The following TCEANC2 variants were observed in gnomAD, a reference collection of about 807,000 sequenced individuals.
TCEANC2 encodes the protein transcription elongation factor A N-terminal and central domain-containing protein 2.
In TCEANC2, 20 loss-of-function variants were observed where a neutral mutation model predicts 22.8. That is an observed-to-expected ratio of 0.88 (90% CI 0.62 to 1.28). TCEANC2 has a LOEUF of 1.28. Ranked by LOEUF, TCEANC2 falls within the 50% of genes most tolerant of loss-of-function variation. TCEANC2 has a pLI of 0.00. For missense variants in TCEANC2, 251 were observed against 249.7 expected (o/e 1.01, Z -0.03); for synonymous variants, 84 against 95.5 (o/e 0.88, Z 0.70).
intron 3 of TCEANC2, among the ~76,000 whole-genome samples, chr1:54,085,383 T>C (rs1035568279): frequency 8.5e-5 from 13 of 152,352 alleles, no homozygotes; most frequent in African/African-American, 2.9e-4. Context: ...TTGACCATTT[T>C]CTCAAATAAA....
downstream of TCEANC2, among the ~76,000 whole-genome samples, chr1:54,110,635 C>T (rs1658824697): frequency 1.3e-5 from 2 of 152,000 alleles, no homozygotes. Flanking sequence ...AACAAAAAAA[C>T]AACACAACCT....
downstream of TCEANC2, among the ~76,000 whole-genome samples, chr1:54,107,341 A>AG (rs1033074176): frequency 1.3e-5 from 2 of 152,176 alleles, no homozygotes; most frequent in Admixed American, 1.3e-4. Flanking sequence ...ACTTCACAGC[A>AG]GGGGGCACAT....
At chr1:54,056,115 C>T (rs1657747637) in intron 2 of TCEANC2, among the ~76,000 whole-genome samples, 1 of 152,154 alleles carries the variant, frequency 6.6e-6, no homozygotes, top group South Asian at 2.1e-4. Context: ...TCTTGCAGTT[C>T]TGTGACTGCA....
At chr1:54,073,738 A>G (rs1658098462) in intron 3 of TCEANC2, among the ~76,000 whole-genome samples, 1 of 152,240 alleles carries the variant, frequency 6.6e-6, no homozygotes, top group South Asian at 2.1e-4. Flanking sequence ...AGTGTTGGAC[A>G]AAAGCAAACC....
intron 2 of TCEANC2, among the ~76,000 whole-genome samples, chr1:54,062,782 G>A (rs1040819636): frequency 1.3e-5 from 2 of 152,214 alleles, no homozygotes; most frequent in African/African-American, 4.8e-5. Flanking sequence ...GCAAAGGTAT[G>A]AAATTCAAAA....
intron 2 of TCEANC2, among the ~76,000 whole-genome samples, chr1:54,058,620 G>C (rs1205998057): frequency 2.0e-5 from 3 of 152,086 alleles, no homozygotes; most frequent in African/African-American, 4.8e-5. Flanking sequence ...TTATATGTAC[G>C]CATTCCAGCC....
At chr1:54,111,613 G>A (rs1392476598) in exon 5 of TCEANC2, 1 of 152,228 alleles carries the variant, frequency 6.6e-6, no homozygotes, top group East Asian at 1.9e-4. Flanking sequence ...ACTTGATGAT[G>A]ATGAAGATGA....
chr1:54,061,355 A>G (rs1407382408), intron 2 of TCEANC2, among the ~76,000 whole-genome samples: 1 of 152,184 alleles, frequency 6.6e-6, no homozygotes, highest in Non-Finnish European at 1.5e-5. Flanking sequence ...AAATAAATAA[A>G]TTCATATTGA....
chr1:54,110,014 A>G (rs557682662), downstream of TCEANC2, among the ~76,000 whole-genome samples: 316 of 152,340 alleles, frequency 2.1e-3, no homozygotes, highest in African/African-American at 7.0e-3. Flanking sequence ...AAGCAGATCA[A>G]ATAGGGGAGG....
At chr1:54,057,616 C>A (rs1198129824) in intron 2 of TCEANC2, among the ~76,000 whole-genome samples, 1 of 152,096 alleles carries the variant, frequency 6.6e-6, no homozygotes, top group Non-Finnish European at 1.5e-5. Flanking sequence ...TGTCTCCCTG[C>A]CTTTGACATC....
At chr1:54,077,164 G>A (rs904252745) in intron 3 of TCEANC2, among the ~76,000 whole-genome samples, 1 of 152,134 alleles carries the variant, frequency 6.6e-6, no homozygotes, top group African/African-American at 2.4e-5. Context: ...ATAGAGGTGA[G>A]GGAAAATGGG....
chr1:54,076,248 T>TTCCACCC (rs1163973496), intron 3 of TCEANC2, among the ~76,000 whole-genome samples: 1 of 152,172 alleles, frequency 6.6e-6, no homozygotes, highest in Non-Finnish European at 1.5e-5. Context: ...ATTACCCTTC[T>TTCCACCC]TCCACCCTCC....
Position 54,088,699 on chromosome 1 carries a change from A to G in TCEANC2, c.347A>G (p.Asn116Ser), listed in dbSNP as rs780543399. 1 of 1,611,564 alleles carries G rather than the reference A, an allele frequency of 6.2e-7. No individual in the cohort carries two copies. Among genetic ancestry groups the G allele is most frequent in the African/African-American group, 1.3e-5 (1 of 74,886 alleles). ...AAAACTTTCACTGAAAAACATTCAAATAGACCTTCTATTGAAGTTAGAAGT... is the reference window on the plus strand; with the variant it reads ...AAAACTTTCACTGAAAAACATTCAAGTAGACCTTCTATTGAAGTTAGAAGT... ...EWKTFTEKHS[N>S]RPSIEVRSDP... Residue 116 changes from asparagine to serine, a missense_variant, in exon 4 of 5, where the codon AAT becomes AGT. Transcript: ENST00000234827.
intron 4 of TCEANC2, among the ~76,000 whole-genome samples, chr1:54,093,438 G>C (rs1175613026): frequency 6.6e-6 from 1 of 152,118 alleles, no homozygotes. Context: ...TTTCTATTAT[G>C]ATTTTAATGT....
intron 4 of TCEANC2, among the ~76,000 whole-genome samples, chr1:54,090,375 A>C (rs1473478821): frequency 6.6e-6 from 1 of 152,178 alleles, no homozygotes; most frequent in Non-Finnish European, 1.5e-5. Flanking sequence ...TTTTAAATGA[A>C]TGTTGGGCAA....
chr1:54,079,109 C>T (rs1426251263), intron 3 of TCEANC2, among the ~76,000 whole-genome samples: 5 of 152,090 alleles, frequency 3.3e-5, no homozygotes, highest in Non-Finnish European at 7.4e-5. Context: ...AGGCATGCTC[C>T]ATTTTTGCAA....
intron 2 of TCEANC2, among the ~76,000 whole-genome samples, chr1:54,060,225 G>A (rs1657826197): frequency 6.6e-6 from 1 of 152,112 alleles, no homozygotes; most frequent in African/African-American, 2.4e-5. Context: ...GGCCAATATG[G>A]TGAAACCCTG....
intron 2 of TCEANC2, among the ~76,000 whole-genome samples, chr1:54,058,029 C>T (rs546652141): frequency 6.6e-6 from 1 of 152,194 alleles, no homozygotes; most frequent in African/African-American, 2.4e-5. Context: ...TTACTACCTT[C>T]GTGACCTTGG....
intron 3 of TCEANC2, among the ~76,000 whole-genome samples, chr1:54,070,814 T>C (rs1487284314): frequency 2.0e-5 from 3 of 152,260 alleles, no homozygotes; most frequent in East Asian, 1.9e-4. Context: ...TTGGGAACTA[T>C]ATAGGCATAA....
Sources: gnomAD v4.1 joint callset for allele counts (sites outside exome capture counted in the v4.1 genomes callset) on GRCh38, gnomAD v4.1.1 for gene constraint, MANE v1.5 for transcripts, NCBI Gene and HGNC (gene_info 2026-07-23, HGNC 2026-07-21) for gene names.